AP4E1: variants seen among roughly 807,000 people sequenced by gnomAD.
AP4E1 encodes AP-4 complex subunit epsilon-1.
AP4E1 carries 56 observed loss-of-function variants against 128.2 expected under a neutral mutation model. The ratio of observed to expected loss-of-function variants is 0.44; its 90% CI spans 0.35 to 0.55. The LOEUF (loss-of-function observed/expected upper bound fraction) is 0.55, where lower values mean the gene tolerates loss of function less well. Ranked by LOEUF, AP4E1 falls within the 20% of genes least tolerant of loss-of-function variation. The probability of loss-of-function intolerance (pLI) is 0.00; values close to 1 mark genes in which losing one functional copy is unlikely to be tolerated. For synonymous variants in AP4E1, 484 were observed against 473.1 expected (o/e 1.02, Z -0.30); for missense variants, 1,324 against 1,307.7 (o/e 1.01, Z -0.19).
intron 7 of AP4E1, 131 bp downstream of exon 7, chr15:50,931,102 G>C (rs2063830330): frequency 1.7e-6 from 2 of 1,145,564 alleles, no homozygotes; most frequent in South Asian, 2.6e-5. Context: ...GATAAAAGAA[G>C]CCATTGTAAG....
chr15:50,921,576 C>G (rs983706819), intron 3 of AP4E1, among the ~76,000 whole-genome samples: 3 of 152,114 alleles, frequency 2.0e-5, no homozygotes, highest in African/African-American at 7.2e-5. Flanking sequence ...GTTTCAAACT[C>G]CTGACTTCGA....
intron 5 of AP4E1, among the ~76,000 whole-genome samples, chr15:50,925,979 G>C (rs1038864772): frequency 6.6e-6 from 1 of 151,876 alleles, no homozygotes; most frequent in African/African-American, 2.4e-5. Flanking sequence ...TTTTACAGCA[G>C]AATGTTTCCA....
intron 10 of AP4E1, chr15:50,944,906 C>T: frequency 2.5e-6 from 2 of 800,352 alleles, no homozygotes; most frequent in East Asian, 2.4e-5. Flanking sequence ...TGGCTACTGT[C>T]CTTTCTGGGG....
At chr15:50,909,665 G>A (rs1450409290) in intron 1 of AP4E1, among the ~76,000 whole-genome samples, 2 of 151,426 alleles carry the variant, frequency 1.3e-5, no homozygotes, top group African/African-American at 4.9e-5. Context: ...CGGCTCGCTG[G>A]AGCCTTAAGG....
chr15:50,969,780 T>A (rs2064452992), intron 15 of AP4E1, among the ~76,000 whole-genome samples: 2 of 151,362 alleles, frequency 1.3e-5, no homozygotes, highest in African/African-American at 4.9e-5. Flanking sequence ...TGCCTCAGCC[T>A]CCCGAGTAGC....
intron 8 of AP4E1, among the ~76,000 whole-genome samples, chr15:50,938,766 C>T (rs140149108): frequency 2.0e-5 from 3 of 152,036 alleles, no homozygotes; most frequent in Non-Finnish European, 4.4e-5. Flanking sequence ...ATGAGGTACC[C>T]CTCTCTCTCC....
intron 6 of AP4E1, 21 bp downstream of exon 6, chr15:50,929,189 A>C: frequency 1.2e-6 from 2 of 1,608,156 alleles, no homozygotes; most frequent in Non-Finnish European, 1.7e-6. Flanking sequence ...AATTTTAGCA[A>C]GTACTGAGTA....
intron 16 of AP4E1, among the ~76,000 whole-genome samples, chr15:50,988,604 C>T (rs187813023): frequency 3.1e-4 from 47 of 152,236 alleles, no homozygotes; most frequent in East Asian, 2.1e-3. Context: ...TATGAGCCAC[C>T]GTGCCCAGCC....
intron 13 of AP4E1, among the ~76,000 whole-genome samples, chr15:50,950,580 T>C (rs1042882220): frequency 6.6e-6 from 1 of 152,188 alleles, no homozygotes; most frequent in Non-Finnish European, 1.5e-5. Flanking sequence ...GCTGAGTACT[T>C]ACATTATTAA....
rs67379169 is a variant in AP4E1, at chr15:50,990,344, TTTATTATTA to T, written c.2091-3002_2091-2994del. Among the ~76,000 whole-genome samples the T allele has an allele frequency of 4.5e-4, 64 of 141,098 alleles. 1 individual carries two copies. In the South Asian group the frequency reaches 0.013, roughly 28 times the overall value. The allele number at this position is 141,098 out of a possible 152,430, so 92.6% of individuals were successfully genotyped here. ...TTCCCATTTTTTATTATTTATTTAATTTATTATTATTATTATTATTATTATTATTATTTG... is the reference window on the plus strand; with the variant it reads ...TTCCCATTTTTTATTATTTATTTAATTTATTATTATTATTATTATTATTTG... On this transcript the variant is annotated intron_variant, in intron 16 of 20. Coordinates refer to ENST00000261842, the MANE Select transcript of AP4E1 (RefSeq NM_007347.5).
chr15:50,995,672 C>T (rs57221782), intron 17 of AP4E1, among the ~76,000 whole-genome samples: 2,806 of 152,080 alleles, frequency 0.018, 104 homozygotes, highest in African/African-American at 0.064. Context: ...AGGTGTGAGC[C>T]GCCATGCCCG....
chr15:50,912,616 T>C (rs1339339676), intron 2 of AP4E1, among the ~76,000 whole-genome samples: 3 of 152,206 alleles, frequency 2.0e-5, no homozygotes, highest in Non-Finnish European at 4.4e-5. Context: ...TGCAGGCCAC[T>C]GTGGGGCTGT....
At chr15:50,921,504 A>G (rs2063702801) in intron 3 of AP4E1, among the ~76,000 whole-genome samples, 1 of 151,724 alleles carries the variant, frequency 6.6e-6, no homozygotes. Flanking sequence ...GAGTGTCACC[A>G]CGTCTGTCTA....
At chr15:50,934,736 A>G (rs2063884881) in intron 8 of AP4E1, 39 bp downstream of exon 8, 4 of 1,382,424 alleles carry the variant, frequency 2.9e-6, no homozygotes, top group Admixed American at 1.7e-5. Flanking sequence ...ATGACTAATA[A>G]TGTTTTTTAG....
At chr15:50,951,704 G>GT (rs1161446313) in intron 13 of AP4E1, among the ~76,000 whole-genome samples, 5 of 145,732 alleles carry the variant, frequency 3.4e-5, no homozygotes, top group Non-Finnish European at 7.6e-5. Flanking sequence ...TTTTAGTTTA[G>GT]TTTTTTCAGT....
intron 11 of AP4E1, among the ~76,000 whole-genome samples, 185 bp downstream of exon 11, chr15:50,948,344 T>G (rs1233333121): frequency 2.6e-5 from 4 of 151,526 alleles, no homozygotes; most frequent in African/African-American, 4.8e-5. Context: ...GATGGCTTTT[T>G]TTTTTTTTTT....
In AP4E1 at chr15:50,984,035, A is replaced by G. The variant is rs2064680588; in HGVS notation, c.1980A>G (p.Glu660=). ...KLSQEKVLNF[E]PYGLSFSSSG... is the part of the protein sequence containing the mutation. ...TTAAAATTCTAGTTCTCAATTTTGA[A>G]CCATATGGACTCTCCTTTTCTTCAT... Residue 660 remains glutamate, a synonymous_variant, in exon 16 of 21, where the codon GAA becomes GAG. Transcript: ENST00000261842. 6.2e-7 allele frequency: 1 copy of G among 1,613,122 alleles called. No individual in the cohort carries two copies. Among genetic ancestry groups the G allele is most frequent in the African/African-American group, 1.3e-5 (1 of 74,996 alleles).
Position 50,997,521 on chromosome 15 carries a change from C to T in AP4E1, c.2542C>T (p.Leu848Phe), listed in dbSNP as rs2064893400. 1 of 1,614,070 alleles carries T rather than the reference C, an allele frequency of 6.2e-7. No homozygotes were observed. The highest frequency in any genetic ancestry group is 8.5e-7 in the Non-Finnish European group (1 of 1,179,982). Residue 848 changes from leucine to phenylalanine, a missense_variant, in exon 18 of 21, where the codon CTC (leucine) becomes TTC (phenylalanine). Transcript: ENST00000261842. ...TGDKELKKFS[L>F]TSELLDSESL... ...AGACAAGGAATTAAAGAAATTTTCTCTCACTTCAGAACTTTTGGATTCTGA... is the reference window on the plus strand; with the variant it reads ...AGACAAGGAATTAAAGAAATTTTCTTTCACTTCAGAACTTTTGGATTCTGA...
At chr15:50,940,335 G>A (rs527856129) in intron 8 of AP4E1, among the ~76,000 whole-genome samples, 53 of 152,008 alleles carry the variant, frequency 3.5e-4, no homozygotes, top group African/African-American at 1.3e-3. Flanking sequence ...TTATAGAAGA[G>A]GTTTAAAATT....
Sources: gnomAD v4.1 joint callset for allele counts (sites outside exome capture counted in the v4.1 genomes callset) on GRCh38, gnomAD v4.1.1 for gene constraint, MANE v1.5 for transcripts, NCBI Gene and HGNC (gene_info 2026-07-23, HGNC 2026-07-21) for gene names.